The following RBFOX1 variants were observed in gnomAD, a reference collection of about 807,000 sequenced individuals.
The protein encoded by RBFOX1 is RNA binding fox-1 homolog 1.
In RBFOX1, 8 loss-of-function variants were observed where a neutral mutation model predicts 57.7. That is an observed-to-expected ratio of 0.14 (90% CI 0.08 to 0.25). The LOEUF (loss-of-function observed/expected upper bound fraction) is 0.25, where lower values mean the gene tolerates loss of function less well. Among genes scored for constraint, RBFOX1 ranks in the 10% least tolerant of loss-of-function variants. The pLI, the probability that RBFOX1 is intolerant of heterozygous loss-of-function variation, is 1.00. For synonymous variants in RBFOX1, 326 were observed against 222.4 expected (o/e 1.47, Z -4.15); for missense variants, 611 against 548.5 (o/e 1.11, Z -1.14).
intron 4 of RBFOX1, among the ~76,000 whole-genome samples, chr16:5,907,873 C>T (rs2058500519): frequency 6.6e-6 from 1 of 151,866 alleles, no homozygotes; most frequent in Non-Finnish European, 1.5e-5. Flanking sequence ...GCCTCAGCCT[C>T]CCAGCTAGCT....
At chr16:5,799,217 T>C (rs149642186) in intron 3 of RBFOX1, among the ~76,000 whole-genome samples, 6,990 of 152,074 alleles carry the variant, frequency 0.046, 521 homozygotes, top group African/African-American at 0.16. Context: ...GTGAGACTTA[T>C]TCATTACCAT....
chr16:5,483,644 A>G (rs2069624269), intron 2 of RBFOX1, among the ~76,000 whole-genome samples: 1 of 152,182 alleles, frequency 6.6e-6, no homozygotes, highest in African/African-American at 2.4e-5. Flanking sequence ...AATGCTGTAG[A>G]CGGGATTGCA....
At chr16:5,253,332 A>T (rs1055034295) in intron 1 of RBFOX1, among the ~76,000 whole-genome samples, 1 of 151,978 alleles carries the variant, frequency 6.6e-6, no homozygotes, top group Non-Finnish European at 1.5e-5. Context: ...TTGTATTTTG[A>T]GTAGAGAGGG....
At chr16:7,295,868 C>G (rs1341404474) in intron 4 of RBFOX1, among the ~76,000 whole-genome samples, 2 of 152,186 alleles carry the variant, frequency 1.3e-5, no homozygotes, top group Non-Finnish European at 1.5e-5. Flanking sequence ...TTTATTAAGC[C>G]TCTCCTAAGT....
At chr16:5,942,674 T>C (rs1446563429) in intron 4 of RBFOX1, among the ~76,000 whole-genome samples, 1 of 152,178 alleles carries the variant, frequency 6.6e-6, no homozygotes, top group Non-Finnish European at 1.5e-5. Flanking sequence ...AAATACAAAC[T>C]ACCTTTCTCC....
intron 3 of RBFOX1, among the ~76,000 whole-genome samples, chr16:5,809,989 G>T (rs894079549): frequency 2.6e-5 from 4 of 152,144 alleles, no homozygotes; most frequent in African/African-American, 9.7e-5. Flanking sequence ...GGAATACTAT[G>T]CAGCCATAAA....
At chr16:5,499,538 T>C (rs1202680427) in intron 2 of RBFOX1, among the ~76,000 whole-genome samples, 1 of 152,190 alleles carries the variant, frequency 6.6e-6, no homozygotes. Flanking sequence ...TGTTATAAGA[T>C]TTAAACGCAG....
intron 1 of RBFOX1, among the ~76,000 whole-genome samples, chr16:5,353,116 G>A (rs747445547): frequency 1.3e-5 from 2 of 152,166 alleles, no homozygotes; most frequent in Admixed American, 6.5e-5. Context: ...GTGCACGCCT[G>A]TAATCCCAGC....
intron 1 of RBFOX1, among the ~76,000 whole-genome samples, chr16:5,403,332 A>G (rs2066767597): frequency 6.7e-6 from 1 of 149,126 alleles, no homozygotes; most frequent in African/African-American, 2.5e-5. Flanking sequence ...TCTGGGAAAC[A>G]GACTGAAACG....
At position 6,712,750 on chromosome 16, in the gene RBFOX1, C is replaced by T. The variant is rs17141047; in HGVS notation, c.-16+58100C>T. Among the ~76,000 whole-genome samples, 1,250 of 152,200 alleles carry T rather than the reference C, an allele frequency of 8.2e-3. 19 individuals are homozygous for T. Among genetic ancestry groups the T allele is most frequent in the African/African-American group, 0.028 (1,174 of 41,522 alleles). On this transcript the variant is annotated intron_variant, in intron 3 of 15. Transcript: ENST00000550418. The stretch of plus-strand genomic sequence containing the variant: ...CCCCTCCTATCACCTGGCAGCTGGA[C>T]TATAAAATATTCCACTTACCAGTTG...
At chr16:6,603,138 A>G (rs1360892202) in intron 2 of RBFOX1, among the ~76,000 whole-genome samples, 1 of 152,226 alleles carries the variant, frequency 6.6e-6, no homozygotes, top group African/African-American at 2.4e-5. Context: ...ATTGTTCTTT[A>G]CAGATCTAAA....
intron 4 of RBFOX1, among the ~76,000 whole-genome samples, chr16:7,448,134 C>T (rs373035102): frequency 6.6e-6 from 1 of 152,164 alleles, no homozygotes; most frequent in African/African-American, 2.4e-5. Flanking sequence ...TGGCAGCTGC[C>T]AAGTGTATTA....
intron 2 of RBFOX1, among the ~76,000 whole-genome samples, chr16:6,626,983 G>C (rs982681537): frequency 5.9e-5 from 9 of 152,138 alleles, no homozygotes; most frequent in African/African-American, 2.2e-4. Flanking sequence ...ACAGTTTATA[G>C]ACGAAGAAAC....
intron 4 of RBFOX1, among the ~76,000 whole-genome samples, chr16:7,094,567 C>A (rs1054184359): frequency 6.6e-6 from 1 of 151,720 alleles, no homozygotes; most frequent in African/African-American, 2.4e-5. Context: ...ACTGTCAAAT[C>A]CTGTGTATTG....
chr16:5,910,518 G>A (rs1463973413), intron 4 of RBFOX1, among the ~76,000 whole-genome samples: 1 of 150,972 alleles, frequency 6.6e-6, no homozygotes, highest in Non-Finnish European at 1.5e-5. Flanking sequence ...TTGTGTAGAT[G>A]GGATAGGTAG....
chr16:6,818,448 T>A (rs1000751320), intron 3 of RBFOX1, among the ~76,000 whole-genome samples: 1 of 152,116 alleles, frequency 6.6e-6, no homozygotes, highest in Non-Finnish European at 1.5e-5. Flanking sequence ...AAAAAAATAT[T>A]ATTGAATGCC....
At chr16:6,610,369 C>T (rs1288028193) in intron 2 of RBFOX1, among the ~76,000 whole-genome samples, 1 of 152,034 alleles carries the variant, frequency 6.6e-6, no homozygotes, top group Non-Finnish European at 1.5e-5. Flanking sequence ...CCACTATCAC[C>T]CAGGCTGGAG....
intron 4 of RBFOX1, among the ~76,000 whole-genome samples, chr16:5,960,717 C>T (rs2059730596): frequency 6.6e-6 from 1 of 152,138 alleles, no homozygotes; most frequent in South Asian, 2.1e-4. Flanking sequence ...CCCAGCCGCA[C>T]CTCCTCCATC....
chr16:6,908,202 C>A (rs936744412), intron 3 of RBFOX1, among the ~76,000 whole-genome samples: 1 of 151,896 alleles, frequency 6.6e-6, no homozygotes, highest in East Asian at 1.9e-4. Context: ...ATTATTACCT[C>A]TGCTCAGCAT....
Sources: allele counts gnomAD v4.1 joint callset (sites outside exome capture counted in the v4.1 genomes callset), GRCh38; gene constraint gnomAD v4.1.1; transcripts MANE v1.5; gene names NCBI Gene and HGNC (gene_info 2026-07-23, HGNC 2026-07-21).